Variants in CERS3 observed in about 807,000 individuals in gnomAD.
CERS3 encodes the protein LAG1 homolog, ceramide synthase 3.
CERS3 carries 33 observed loss-of-function variants against 50.3 expected under a neutral mutation model. The ratio of observed to expected loss-of-function variants is 0.66; its 90% CI spans 0.50 to 0.88. The LOEUF is 0.88. Ranked by LOEUF, CERS3 falls within the 40% of genes least tolerant of loss-of-function variation. The probability of loss-of-function intolerance (pLI) is 0.00; values close to 1 mark genes in which losing one functional copy is unlikely to be tolerated. For missense variants in CERS3, 470 were observed against 460.3 expected, an observed-to-expected ratio of 1.02 and a Z score of -0.19; for synonymous variants, 176 against 155.2, an observed-to-expected ratio of 1.13 and a Z score of -0.99.
At chr15:100,412,887 G>C (rs1179994826) in intron 11 of CERS3, among the ~76,000 whole-genome samples, 2 of 152,172 alleles carry the variant, frequency 1.3e-5, no homozygotes, top group Non-Finnish European at 1.5e-5. Context: ...ACTCCGGAGA[G>C]TATCTGGTCT....
chr15:100,444,334 G>T (rs1200409174), intron 11 of CERS3, among the ~76,000 whole-genome samples: 6 of 150,018 alleles, frequency 4.0e-5, no homozygotes, highest in East Asian at 2.0e-4. Context: ...AATTACCATT[G>T]TTCCTGGCCC....
At chr15:100,481,606 C>T (rs765620191) in intron 5 of CERS3, among the ~76,000 whole-genome samples, 6 of 152,352 alleles carry the variant, frequency 3.9e-5, no homozygotes, top group East Asian at 3.9e-4. Flanking sequence ...CGCACACATG[C>T]GCTATGTCAC....
At position 100,435,000 on chromosome 15, in the gene CERS3, T is replaced by C. The variant is rs138630117; in HGVS notation, c.999+20893A>G. ...TCCAACTTCAGCAAGACATGGTCTG[T>C]GGTTCTGAGGACATCACAGTCCACA... On this transcript the variant is annotated intron_variant, in intron 11 of 11. Transcript: ENST00000679737. Among the ~76,000 whole-genome samples the C allele has an allele frequency of 2.0e-3, 305 of 152,322 alleles. 1 individual carries two copies. The highest frequency in any genetic ancestry group is 7.0e-3 in the African/African-American group (290 of 41,578).
chr15:100,469,565 G>A (rs1324466380), intron 9 of CERS3, 81 bp from the exon 10 acceptor site: 12 of 1,008,336 alleles, frequency 1.2e-5, no homozygotes, highest in African/African-American at 1.2e-4. Flanking sequence ...AATGATATGA[G>A]GTCTGGGATT....
intron 2 of CERS3, among the ~76,000 whole-genome samples, chr15:100,507,448 T>C (rs1231071449): frequency 6.6e-6 from 1 of 152,214 alleles, no homozygotes; most frequent in Non-Finnish European, 1.5e-5. Context: ...TCTAATCCTC[T>C]CTGCTACTTC....
chr15:100,405,042 G>A (rs1016138159), intron 11 of CERS3, among the ~76,000 whole-genome samples: 3 of 152,030 alleles, frequency 2.0e-5, no homozygotes, highest in South Asian at 2.1e-4. Context: ...TCTGGGCAAC[G>A]AGTTCTTAAA....
intron 11 of CERS3, among the ~76,000 whole-genome samples, chr15:100,416,892 C>G (rs567834254): frequency 6.6e-6 from 1 of 152,132 alleles, no homozygotes; most frequent in Admixed American, 6.5e-5. Flanking sequence ...AAACAACCAA[C>G]CACATTAAAA....
At chr15:100,510,269 T>TA (rs761562449) in intron 2 of CERS3, among the ~76,000 whole-genome samples, 5 of 151,894 alleles carry the variant, frequency 3.3e-5, no homozygotes, top group South Asian at 2.1e-4. Flanking sequence ...GCTATAACTG[T>TA]AAAAAAACTG....
intron 11 of CERS3, among the ~76,000 whole-genome samples, chr15:100,420,350 G>C (rs1033746279): frequency 2.0e-5 from 3 of 152,106 alleles, no homozygotes; most frequent in African/African-American, 7.2e-5. Flanking sequence ...ATAAATTCCT[G>C]GACACATAAC....
At chr15:100,461,285 C>G (rs1431039091) in intron 10 of CERS3, among the ~76,000 whole-genome samples, 1 of 152,110 alleles carries the variant, frequency 6.6e-6, no homozygotes, top group Non-Finnish European at 1.5e-5. Context: ...CTAGAGGCTC[C>G]CAGGAGACAC....
At chr15:100,536,444 C>T (rs2037077139) in intron 1 of CERS3, among the ~76,000 whole-genome samples, 1 of 152,102 alleles carries the variant, frequency 6.6e-6, no homozygotes, top group African/African-American at 2.4e-5. Context: ...GCCACCATGC[C>T]TGGCTAGTTT....
At chr15:100,426,061 T>C (rs2032794476) in intron 11 of CERS3, 1 of 152,422 alleles carries the variant, frequency 6.6e-6, no homozygotes, top group African/African-American at 2.4e-5. Context: ...CCCAGTCATG[T>C]TACCTGTACA....
intron 2 of CERS3, among the ~76,000 whole-genome samples, chr15:100,517,066 C>A (rs771678206): frequency 6.6e-6 from 1 of 152,238 alleles, no homozygotes; most frequent in Non-Finnish European, 1.5e-5. Context: ...AAGCTTAGAA[C>A]TGTGGCTCTG....
rs763162951 is a variant in CERS3 at position 100,543,257 on chromosome 15, G to A, written c.-355+1394C>T. On this transcript the variant is annotated intron_variant, in intron 1 of 12. Coordinates refer to the CERS3 transcript ENST00000284382. ...TGTTTATTTTGAAAACTGTTGGTGTGGACCCTGGCACTGGTTCTCTGTTGG... is the reference window on the plus strand; with the variant it reads ...TGTTTATTTTGAAAACTGTTGGTGTAGACCCTGGCACTGGTTCTCTGTTGG... Among the ~76,000 whole-genome samples the A allele has an allele frequency of 1.0e-3, 158 of 152,124 alleles. 3 individuals are homozygous for A. The highest frequency in any genetic ancestry group is 3.1e-4 in the Non-Finnish European group (21 of 68,030).
At chr15:100,504,977 A>G (rs1348861582) in intron 2 of CERS3, among the ~76,000 whole-genome samples, 7 of 152,212 alleles carry the variant, frequency 4.6e-5, no homozygotes, top group African/African-American at 1.7e-4. Flanking sequence ...CAAACTTCCT[A>G]CAGACTTGAG....
At chr15:100,517,260 CTATA>C (rs1393471507) in intron 2 of CERS3, among the ~76,000 whole-genome samples, 1 of 152,212 alleles carries the variant, frequency 6.6e-6, no homozygotes, top group East Asian at 1.9e-4. Context: ...GGCAAGTGCC[CTATA>C]TACTGTTGGC....
intron 1 of CERS3, among the ~76,000 whole-genome samples, chr15:100,543,270 G>T (rs1011378363): frequency 1.3e-5 from 2 of 152,138 alleles, no homozygotes; most frequent in African/African-American, 4.8e-5. Context: ...CCCTGGCACT[G>T]GTTCTCTGTT....
chr15:100,438,171 A>C (rs970158592), intron 11 of CERS3, among the ~76,000 whole-genome samples: 11 of 149,886 alleles, frequency 7.3e-5, no homozygotes, highest in African/African-American at 2.4e-4. Flanking sequence ...CAGCCTCCCA[A>C]GTGGCTGGGG....
At chr15:100,523,442 C>CT (rs1170540290) in intron 1 of CERS3, among the ~76,000 whole-genome samples, 1 of 152,034 alleles carries the variant, frequency 6.6e-6, no homozygotes, top group East Asian at 1.9e-4. Context: ...TGGCTCACAC[C>CT]TGTAATCCCA....
Sources: allele counts gnomAD v4.1 joint callset (sites outside exome capture counted in the v4.1 genomes callset), GRCh38; gene constraint gnomAD v4.1.1; transcripts MANE v1.5; gene names NCBI Gene and HGNC (gene_info 2026-07-23, HGNC 2026-07-21).